GALNTL6: variants seen among roughly 807,000 people sequenced by gnomAD.
GALNTL6 encodes polypeptide N-acetylgalactosaminyltransferase like 6.
Under a neutral mutation model 73.7 loss-of-function variants are expected in GALNTL6, and 46 were observed. The ratio of observed to expected loss-of-function variants is 0.62; its 90% CI spans 0.49 to 0.80. GALNTL6 has a LOEUF of 0.80. GALNTL6 is among the 30% of genes least tolerant of loss of function. GALNTL6 has a pLI of 0.00. For synonymous variants in GALNTL6, 259 were observed against 263.7 expected (o/e 0.98, Z 0.17); for missense variants, 604 against 755.0 (o/e 0.80, Z 2.34).
At chr4:172,269,222 A>G (rs976312896) in intron 3 of GALNTL6, among the ~76,000 whole-genome samples, 3 of 152,128 alleles carry the variant, frequency 2.0e-5, no homozygotes, top group African/African-American at 4.8e-5. Context: ...TGTCCACTCC[A>G]CTATCCTTCC....
chr4:171,982,590 G>T (rs752801053), intron 2 of GALNTL6, among the ~76,000 whole-genome samples: 2 of 152,116 alleles, frequency 1.3e-5, no homozygotes, highest in Admixed American at 6.5e-5. Context: ...GAGCCACCGC[G>T]CCCGACCGAA....
intron 5 of GALNTL6, among the ~76,000 whole-genome samples, chr4:172,367,060 G>A (rs1742592201): frequency 6.6e-6 from 1 of 152,182 alleles, no homozygotes; most frequent in Admixed American, 6.5e-5. Context: ...CTTTGAAAGA[G>A]TGGTGGTGGT....
chr4:172,740,485 C>A (rs1475044666), intron 5 of GALNTL6, among the ~76,000 whole-genome samples: 2 of 152,086 alleles, frequency 1.3e-5, no homozygotes. Context: ...TATTGGTAAC[C>A]CCCAAATCAG....
chr4:172,927,222 C>G (rs1239640966), intron 8 of GALNTL6, among the ~76,000 whole-genome samples: 1 of 152,188 alleles, frequency 6.6e-6, no homozygotes, highest in Non-Finnish European at 1.5e-5. Context: ...CACATCACTT[C>G]CATTTGCATT....
At chr4:171,942,561 G>T (rs929899263) in intron 2 of GALNTL6, among the ~76,000 whole-genome samples, 1 of 152,156 alleles carries the variant, frequency 6.6e-6, no homozygotes, top group Non-Finnish European at 1.5e-5. Context: ...TCACTCCTAA[G>T]TCTGTTTATG....
intron 2 of GALNTL6, among the ~76,000 whole-genome samples, chr4:171,862,535 T>C (rs1221819129): frequency 6.6e-6 from 1 of 152,202 alleles, no homozygotes; most frequent in Non-Finnish European, 1.5e-5. Flanking sequence ...TTTTAGAAAG[T>C]AAGCAAGCAA....
intron 12 of GALNTL6, among the ~76,000 whole-genome samples, chr4:173,025,010 A>G (rs1753175588): frequency 6.6e-6 from 1 of 152,200 alleles, no homozygotes; most frequent in Non-Finnish European, 1.5e-5. Flanking sequence ...ACATGGAGAT[A>G]TCTTGGAGAG....
intron 5 of GALNTL6, among the ~76,000 whole-genome samples, chr4:172,659,196 T>G (rs1052032053): frequency 2.0e-5 from 3 of 152,170 alleles, no homozygotes; most frequent in African/African-American, 7.2e-5. Context: ...TGATGCCTTC[T>G]TTTATTCAAT....
At chr4:171,957,007 C>T (rs142510404) in intron 2 of GALNTL6, among the ~76,000 whole-genome samples, 77 of 152,256 alleles carry the variant, frequency 5.1e-4, no homozygotes, top group African/African-American at 1.8e-3. Flanking sequence ...CAGTGGGCAT[C>T]GTCCCAGCTC....
At chr4:172,005,938 G>C (rs902216967) in intron 2 of GALNTL6, among the ~76,000 whole-genome samples, 2 of 152,078 alleles carry the variant, frequency 1.3e-5, no homozygotes, top group African/African-American at 4.8e-5. Context: ...GATTCTTTTT[G>C]TCATAAGATG....
chr4:172,213,099 C>T (rs1560972441), intron 2 of GALNTL6, among the ~76,000 whole-genome samples: 1 of 150,800 alleles, frequency 6.6e-6, no homozygotes, highest in Non-Finnish European at 1.5e-5. Flanking sequence ...AAGTTTCATC[C>T]TTTTTTTTTG....
rs70941399 is a variant in GALNTL6, at chr4:172,308,003, C to CTTTTTTTTTTTTTTTTT, written c.248-3597_248-3581dup. Reference sequence around the variant, plus strand: ...TCCATGAGCATGGGATGTGTTTTAACTTTTTTTTTTTTTTTTTTTTTTTTT... The same window carrying CTTTTTTTTTTTTTTTTT: ...TCCATGAGCATGGGATGTGTTTTAACTTTTTTTTTTTTTTTTTTTTTTTTTTTTTTTTTTTTTTTTTT... On this transcript the variant is annotated intron_variant, in intron 3 of 12. Transcript: ENST00000506823. Among the ~76,000 whole-genome samples the CTTTTTTTTTTTTTTTTT allele has an allele frequency of 1.3e-3, 45 of 34,586 alleles. 8 individuals are homozygous for CTTTTTTTTTTTTTTTTT. The highest frequency in any genetic ancestry group is 2.6e-3 in the South Asian group (1 of 382). 22.7% of individuals were successfully genotyped at this position (34,586 alleles called of 152,430 possible). A position where few individuals can be genotyped will look rare whatever the true frequency, so the allele number is the denominator to read the frequency against.
At chr4:172,523,985 T>C (rs923879158) in intron 5 of GALNTL6, among the ~76,000 whole-genome samples, 1 of 152,172 alleles carries the variant, frequency 6.6e-6, no homozygotes, top group Admixed American at 6.6e-5. Context: ...CTTCAAACCA[T>C]TGACTGTTCC....
At chr4:172,995,556 A>G (rs191796609) in intron 10 of GALNTL6, among the ~76,000 whole-genome samples, 5 of 152,280 alleles carry the variant, frequency 3.3e-5, no homozygotes, top group Admixed American at 3.3e-4. Context: ...TCCTGACTTA[A>G]AGTACCTTTC....
intron 2 of GALNTL6, among the ~76,000 whole-genome samples, chr4:172,118,015 T>A (rs1392937091): frequency 6.6e-6 from 1 of 152,072 alleles, no homozygotes; most frequent in Non-Finnish European, 1.5e-5. Context: ...TATCTGTTTT[T>A]CAAAACTGTA....
At chr4:172,810,729 G>A (rs1347656570) in intron 6 of GALNTL6, among the ~76,000 whole-genome samples, 3 of 152,138 alleles carry the variant, frequency 2.0e-5, no homozygotes. Flanking sequence ...CTAATCAACT[G>A]AATGTTTTGG....
chr4:172,053,928 T>C (rs1272688731), intron 2 of GALNTL6, among the ~76,000 whole-genome samples: 2 of 152,012 alleles, frequency 1.3e-5, no homozygotes, highest in African/African-American at 2.4e-5. Flanking sequence ...ACTAAAGTAA[T>C]CACAAATTAT....
At chr4:172,156,972 T>C (rs1045884990) in intron 2 of GALNTL6, among the ~76,000 whole-genome samples, 3 of 152,164 alleles carry the variant, frequency 2.0e-5, no homozygotes, top group African/African-American at 7.2e-5. Context: ...TCCATTCCCA[T>C]AGACTCACTG....
chr4:172,516,578 C>T (rs1162016074), intron 5 of GALNTL6, among the ~76,000 whole-genome samples: 2 of 151,892 alleles, frequency 1.3e-5, no homozygotes, highest in Non-Finnish European at 2.9e-5. Flanking sequence ...ATAGGTAAAA[C>T]CGTATGGGTG....
Sources: allele counts gnomAD v4.1 joint callset (sites outside exome capture counted in the v4.1 genomes callset), GRCh38; gene constraint gnomAD v4.1.1; transcripts MANE v1.5; gene names NCBI Gene and HGNC (gene_info 2026-07-23, HGNC 2026-07-21).